Variants in GPM6A observed in about 807,000 individuals in gnomAD.
The protein encoded by GPM6A is glycoprotein M6A, also known as neuronal membrane glycoprotein M6-a.
Under a neutral mutation model 32.1 loss-of-function variants are expected in GPM6A, and 7 were observed. The observed-to-expected ratio is 0.22, with a 90% CI of 0.12 to 0.41. The LOEUF is 0.41. GPM6A is among the 10% of genes least tolerant of loss of function. The probability of loss-of-function intolerance (pLI) is 1.00; values close to 1 mark genes in which losing one functional copy is unlikely to be tolerated. For synonymous variants in GPM6A, 130 were observed against 123.4 expected (o/e 1.05, Z -0.35); for missense variants, 235 against 347.2 (o/e 0.68, Z 2.57).
Position 175,957,889 on chromosome 4 carries a change from G to A in GPM6A, c.-23+44420C>T, listed in dbSNP as rs1330962645. Among the ~76,000 whole-genome samples the A allele has an allele frequency of 2.0e-5, 3 of 152,034 alleles. 1 individual carries two copies. The highest frequency in any genetic ancestry group is 4.4e-5 in the Non-Finnish European group (3 of 67,982). On this transcript the variant is annotated intron_variant, in intron 1 of 7. Coordinates refer to the GPM6A transcript ENST00000280187. ...CTAAGTAATTGCTTTGTTCTGTTTT[G>A]TTGTTTGTTTTTTGTTTTTTTGAGA...
chr4:175,977,118 G>C (rs1028965510), intron 1 of GPM6A, among the ~76,000 whole-genome samples: 1 of 152,154 alleles, frequency 6.6e-6, no homozygotes, highest in Non-Finnish European at 1.5e-5. Context: ...AAATAGAAGA[G>C]TGTGAACAAC....
chr4:175,898,545 G>C (rs188350261), intron 1 of GPM6A, among the ~76,000 whole-genome samples: 1 of 152,016 alleles, frequency 6.6e-6, no homozygotes, highest in East Asian at 1.9e-4. Flanking sequence ...ACAGGCCCTC[G>C]GGGAATACGT....
At chr4:175,892,700 T>C (rs1477202116) in intron 1 of GPM6A, among the ~76,000 whole-genome samples, 1 of 152,170 alleles carries the variant, frequency 6.6e-6, no homozygotes, top group Non-Finnish European at 1.5e-5. Context: ...CCTGTTGACA[T>C]AATCCAAATT....
intron 1 of GPM6A, among the ~76,000 whole-genome samples, chr4:175,723,099 ATT>A (rs1560896930): frequency 6.6e-6 from 1 of 152,184 alleles, no homozygotes; most frequent in African/African-American, 2.4e-5. Context: ...TCATAATGAG[ATT>A]CTAAATATGG....
At chr4:175,784,605 CTCA>C (rs1733727816) in intron 1 of GPM6A, among the ~76,000 whole-genome samples, 1 of 152,090 alleles carries the variant, frequency 6.6e-6, no homozygotes, top group South Asian at 2.1e-4. Flanking sequence ...AGAAATTCAT[CTCA>C]TGAGTAAATA....
intron 1 of GPM6A, among the ~76,000 whole-genome samples, chr4:175,876,718 G>A (rs1737095327): frequency 6.6e-6 from 1 of 152,172 alleles, no homozygotes; most frequent in Non-Finnish European, 1.5e-5. Flanking sequence ...CAAGAATGAG[G>A]AGGAGAAACA....
intron 3 of GPM6A, among the ~76,000 whole-genome samples, chr4:175,660,681 GT>G (rs1167886334): frequency 6.6e-6 from 1 of 152,120 alleles, no homozygotes; most frequent in Non-Finnish European, 1.5e-5. Context: ...GTAACCACGG[GT>G]GAGCTAAAAC....
chr4:175,723,094 A>T (rs1413010230), intron 1 of GPM6A, among the ~76,000 whole-genome samples: 1 of 152,214 alleles, frequency 6.6e-6, no homozygotes, highest in African/African-American at 2.4e-5. Context: ...TGCTCTCATA[A>T]TGAGATTCTA....
intron 2 of GPM6A, among the ~76,000 whole-genome samples, chr4:175,684,864 G>GTGTTTTGTTT (rs907811332): frequency 6.6e-6 from 1 of 151,920 alleles, no homozygotes; most frequent in African/African-American, 2.4e-5. Flanking sequence ...GTGTGTGTGT[G>GTGTTTTGTTT]TGTTTTGTTT....
Position 175,890,556 on chromosome 4 carries a change from ATTTT to A in GPM6A, c.-22-78311_-22-78308del, listed in dbSNP as rs1737612707. ...TTATGCTATGTTTTTATTTTATTTT[ATTTT>A]ATTATTTTATTTTATTATTTTATTG... On this transcript the variant is annotated intron_variant, in intron 1 of 7. Transcript: ENST00000280187. Among the ~76,000 whole-genome samples, 3 of 149,504 alleles carry A rather than the reference ATTTT, an allele frequency of 2.0e-5. No individual in the cohort carries two copies. In the South Asian group the frequency reaches 6.5e-4, roughly 32 times the overall value.
At chr4:175,860,097 A>G (rs924484948) in intron 1 of GPM6A, among the ~76,000 whole-genome samples, 2 of 152,010 alleles carry the variant, frequency 1.3e-5, no homozygotes, top group African/African-American at 4.8e-5. Context: ...AAAAAAGAAG[A>G]AAGATCTAAA....
chr4:175,866,930 G>A (rs1736759562), intron 1 of GPM6A, among the ~76,000 whole-genome samples: 1 of 152,156 alleles, frequency 6.6e-6, no homozygotes, highest in Non-Finnish European at 1.5e-5. Context: ...TGCATTTGGT[G>A]TTGTCAGTAT....
chr4:175,984,223 C>T (rs1740900896), intron 1 of GPM6A, among the ~76,000 whole-genome samples: 1 of 152,152 alleles, frequency 6.6e-6, no homozygotes, highest in Non-Finnish European at 1.5e-5. Flanking sequence ...AAGGCAGTGG[C>T]ATGATCTCAG....
chr4:175,647,563 G>A (rs1203826415), intron 4 of GPM6A, among the ~76,000 whole-genome samples: 1 of 152,160 alleles, frequency 6.6e-6, no homozygotes, highest in African/African-American at 2.4e-5. Flanking sequence ...GGAATGAACA[G>A]TAAGATGTAT....
chr4:175,830,799 C>T (rs1345985177), intron 1 of GPM6A, among the ~76,000 whole-genome samples: 2 of 151,676 alleles, frequency 1.3e-5, no homozygotes, highest in African/African-American at 4.8e-5. Context: ...GGTAGAATCT[C>T]CATTATTTCT....
At chr4:175,986,862 A>G (rs186107536) in intron 1 of GPM6A, among the ~76,000 whole-genome samples, 131 of 152,290 alleles carry the variant, frequency 8.6e-4, no homozygotes, top group African/African-American at 2.8e-3. Context: ...TCTATACTCC[A>G]GTCAACTGAG....
intron 1 of GPM6A, among the ~76,000 whole-genome samples, chr4:175,966,424 A>AAC (rs1554005704): frequency 6.7e-6 from 1 of 148,626 alleles, no homozygotes; most frequent in African/African-American, 2.5e-5. Context: ...ATAATAATAT[A>AAC]ATATATATAT....
At chr4:175,813,029 G>C, upstream of GPM6A, 1 of 983,786 alleles carries the variant, frequency 1.0e-6, no homozygotes, top group Non-Finnish European at 1.2e-6. Context: ...AAGCCTGAGA[G>C]ATACATGTTT....
Position 175,886,944 on chromosome 4 carries a change from T to C in GPM6A, c.-22-74695A>G, listed in dbSNP as rs373068421. 2.4e-3 allele frequency among the ~76,000 whole-genome samples: 372 copies of C among 152,110 alleles called. 18 individuals carry two copies. The South Asian group carries it at 0.073, about 30-fold the overall frequency. On this transcript the variant is annotated intron_variant, in intron 1 of 7. Transcript: ENST00000280187. The stretch of plus-strand genomic sequence containing the variant: ...AAATGAAACTAAATAAATGGAAAAG[T>C]ATATATGCCAGGTAAATACTAATCA...
Sources: gnomAD v4.1 joint callset for allele counts (sites outside exome capture counted in the v4.1 genomes callset) on GRCh38, gnomAD v4.1.1 for gene constraint, MANE v1.5 for transcripts, NCBI Gene and HGNC (gene_info 2026-07-23, HGNC 2026-07-21) for gene names.